MICAL2: variants seen among roughly 807,000 people sequenced by gnomAD.
The protein encoded by MICAL2 is [F-actin]-monooxygenase MICAL2.
A neutral mutation model predicts 127.3 loss-of-function variants in MICAL2; 77 were observed. That is an observed-to-expected ratio of 0.60 (90% CI 0.50 to 0.73). MICAL2 has a LOEUF of 0.73. Among genes scored for constraint, MICAL2 ranks in the 30% least tolerant of loss-of-function variants. The pLI, the probability that MICAL2 is intolerant of heterozygous loss-of-function variation, is 0.00. For missense variants in MICAL2, 1,351 were observed against 1,434.4 expected, an observed-to-expected ratio of 0.94 and a Z score of 0.94; for synonymous variants, 570 against 551.1, an observed-to-expected ratio of 1.03 and a Z score of -0.48.
At chr11:12,204,945 G>GA (rs1030535460) in intron 4 of MICAL2, among the ~76,000 whole-genome samples, 1 of 152,192 alleles carries the variant, frequency 6.6e-6, no homozygotes, top group African/African-American at 2.4e-5. Context: ...CCATACAAAG[G>GA]AGTTTGGACA....
Position 12,224,539 on chromosome 11 carries a change from G to T in MICAL2, c.1541-134G>T, listed in dbSNP as rs1857181931. ...TCAGGGAGCTGCACCCGTGCCAGTG[G>T]CCCCCTGCCCTGGCCCCTTGCCTTG... On this transcript the variant is annotated intron_variant, in intron 12 of 27. Transcript: ENST00000683283. 4.3e-6 allele frequency: 5 copies of T among 1,172,594 alleles called. No homozygotes were observed. The Admixed American group carries it at 9.5e-5, about 22-fold the overall frequency. The allele number at this position is 1,172,594 out of a possible 1,614,324, so 72.6% of individuals were successfully genotyped here.
intron 26 of MICAL2, chr11:12,262,152 C>T (rs1230469602): frequency 8.4e-7 from 1 of 1,192,680 alleles, no homozygotes; most frequent in Non-Finnish European, 1.0e-6. Flanking sequence ...CAGGGGTGGA[C>T]CCCCGAGGAT....
chr11:12,353,839 C>G (rs1033482515), intron 33 of MICAL2, among the ~76,000 whole-genome samples: 2 of 152,202 alleles, frequency 1.3e-5, no homozygotes, highest in Non-Finnish European at 2.9e-5. Context: ...TCCCCCACCC[C>G]ACCCACACAA....
chr11:12,238,323 A>C (rs959507281), intron 16 of MICAL2, among the ~76,000 whole-genome samples: 7 of 152,178 alleles, frequency 4.6e-5, no homozygotes, highest in Admixed American at 4.6e-4. Context: ...GGTCATTTTC[A>C]ATTTTTCACT....
At chr11:12,336,988 C>G (rs1938775630) in intron 32 of MICAL2, among the ~76,000 whole-genome samples, 2 of 152,274 alleles carry the variant, frequency 1.3e-5, no homozygotes, top group Admixed American at 1.3e-4. Flanking sequence ...AGGAAGGATT[C>G]CTTCTTTTTC....
At chr11:12,115,938 G>A (rs1009263593) in intron 1 of MICAL2, among the ~76,000 whole-genome samples, 6 of 150,456 alleles carry the variant, frequency 4.0e-5, no homozygotes, top group African/African-American at 1.5e-4. Flanking sequence ...AACATATCCC[G>A]ACTTTCTGAA....
Position 12,242,702 on chromosome 11 carries a change from T to C in MICAL2, c.2588T>C (p.Phe863Ser). 6.2e-7 allele frequency: 1 copy of C among 1,612,812 alleles called. No homozygotes were observed. Among genetic ancestry groups the C allele is most frequent in the Non-Finnish European group, 8.5e-7 (1 of 1,179,656 alleles). ...GCTCAGAACTTGGCCAACAGGGAATTTCACACAAAGAACATTAAGGAGAAG... is the reference window on the plus strand; with the variant it reads ...GCTCAGAACTTGGCCAACAGGGAATCTCACACAAAGAACATTAAGGAGAAG... ...KRAQNLANRE[F>S]HTKNIKEKAA... The change falls in exon 20 of 28, where the codon TTT becomes TCT. Residue 863 changes from phenylalanine to serine, a missense_variant. Phe to Ser is a radical substitution (Grantham distance 155, BLOSUM62 -2). This residue lies in a region of MICAL2 where 752 missense variants were observed against 719.4 expected (regional missense o/e 1.05). Coordinates refer to ENST00000683283, the MANE Select transcript of MICAL2 (RefSeq NM_001282663.2).
At chr11:12,177,621 A>G (rs1302262415) in intron 3 of MICAL2, among the ~76,000 whole-genome samples, 2 of 152,176 alleles carry the variant, frequency 1.3e-5, no homozygotes, top group East Asian at 3.9e-4. Context: ...AGGAGTTTTT[A>G]GTTTCAGCTC....
At chr11:12,259,701 C>A in intron 25 of MICAL2, 94 bp from the exon 26 acceptor site, 1 of 1,156,446 alleles carries the variant, frequency 8.6e-7, no homozygotes. Context: ...GTTGCAGGGT[C>A]TGGCGAGTTC....
intron 1 of MICAL2, among the ~76,000 whole-genome samples, chr11:12,130,097 TATTGGAGTTGCTC>T (rs1851292735): frequency 6.6e-6 from 1 of 152,162 alleles, no homozygotes; most frequent in Admixed American, 6.6e-5. Context: ...CAGAGCTGAT[TATTGGAGTTGCTC>T]AAATCATCCC....
chr11:12,122,891 TGA>T (rs1850623628), intron 1 of MICAL2, among the ~76,000 whole-genome samples: 1 of 152,180 alleles, frequency 6.6e-6, no homozygotes, highest in African/African-American at 2.4e-5. Context: ...TGGTTTAGCC[TGA>T]GTTTATAGGT....
chr11:12,130,543 G>A (rs570503948), intron 1 of MICAL2, among the ~76,000 whole-genome samples: 2 of 152,306 alleles, frequency 1.3e-5, no homozygotes, highest in East Asian at 3.9e-4. Flanking sequence ...TTAAGCAGAA[G>A]AATCTCCTGT....
intron 1 of MICAL2, among the ~76,000 whole-genome samples, chr11:12,127,878 A>G (rs925825459): frequency 6.6e-6 from 1 of 152,216 alleles, no homozygotes; most frequent in Non-Finnish European, 1.5e-5. Flanking sequence ...CACTTTCCTC[A>G]CTGTGCTGCA....
intron 29 of MICAL2, among the ~76,000 whole-genome samples, chr11:12,301,661 G>A (rs544081288): frequency 6.6e-6 from 1 of 152,308 alleles, no homozygotes; most frequent in African/African-American, 2.4e-5. Context: ...ACAGGGAGAA[G>A]GAGGGCATAG....
intron 32 of MICAL2, among the ~76,000 whole-genome samples, chr11:12,337,871 C>T (rs1178569039): frequency 7.9e-5 from 12 of 152,094 alleles, no homozygotes; most frequent in Non-Finnish European, 1.3e-4. Context: ...GCTTTACTTC[C>T]AACTATGTGG....
downstream of MICAL2, chr11:12,294,797 GCTCCTCCTCCTCCTCCTC>G (rs3841216): frequency 7.3e-5 from 109 of 1,500,262 alleles, 1 homozygote; most frequent in African/African-American, 1.6e-3. Flanking sequence ...GCGCCAGGCA[GCTCCTCCTCCTCCTCCTC>G]CTCCTCCTCC....
At chr11:12,111,369 C>A (rs1034527980) in intron 1 of MICAL2, among the ~76,000 whole-genome samples, 1 of 152,140 alleles carries the variant, frequency 6.6e-6, no homozygotes, top group Non-Finnish European at 1.5e-5. Flanking sequence ...CCAGGAGCAC[C>A]CCCGCAGGGT....
intron 3 of MICAL2, among the ~76,000 whole-genome samples, chr11:12,191,044 A>G (rs1349518619): frequency 6.6e-6 from 1 of 152,236 alleles, no homozygotes; most frequent in African/African-American, 2.4e-5. Flanking sequence ...GCAAATATTT[A>G]TCAGTACCTG....
At chr11:12,124,670 A>G (rs1850771494) in intron 1 of MICAL2, among the ~76,000 whole-genome samples, 1 of 152,070 alleles carries the variant, frequency 6.6e-6, no homozygotes, top group Non-Finnish European at 1.5e-5. Flanking sequence ...ACAAAACAAA[A>G]ACACTAAACC....
Sources: allele counts gnomAD v4.1 joint callset (sites outside exome capture counted in the v4.1 genomes callset), GRCh38; gene constraint gnomAD v4.1.1; regional missense constraint gnomAD v4.1.1; transcripts MANE v1.5; gene names NCBI Gene and HGNC (gene_info 2026-07-23, HGNC 2026-07-21).